Variants in EYA2 observed in about 807,000 individuals in gnomAD.
EYA2 encodes the protein protein phosphatase EYA2.
A neutral mutation model predicts 69.2 loss-of-function variants in EYA2; 31 were observed. The observed-to-expected ratio is 0.45, with a 90% confidence interval of 0.34 to 0.60. The LOEUF is 0.60. Ranked by LOEUF, EYA2 falls within the 20% of genes least tolerant of loss-of-function variation. The pLI is 0.02. For missense variants in EYA2, 622 were observed against 701.2 expected (o/e 0.89, Z 1.28); for synonymous variants, 257 against 279.4 (o/e 0.92, Z 0.80).
At chr20:47,017,001 A>G (rs2146371677) in intron 5 of EYA2, among the ~76,000 whole-genome samples, 1 of 152,316 alleles carries the variant, frequency 6.6e-6, no homozygotes, top group East Asian at 1.9e-4. Context: ...TCCAGGCAGG[A>G]GGATCAAGGC....
chr20:47,016,534 A>G (rs1163949153), intron 5 of EYA2, among the ~76,000 whole-genome samples: 3 of 152,246 alleles, frequency 2.0e-5, no homozygotes, highest in Admixed American at 6.5e-5. Context: ...GTTGAATGTA[A>G]TAAGGCAAAT....
chr20:47,094,301 G>A (rs1299873560), intron 8 of EYA2, among the ~76,000 whole-genome samples: 2 of 152,182 alleles, frequency 1.3e-5, no homozygotes, highest in Non-Finnish European at 2.9e-5. Context: ...GATAAGTTAG[G>A]ACTTGGCATA....
chr20:47,004,125 T>C (rs1349847879), intron 3 of EYA2, among the ~76,000 whole-genome samples: 1 of 152,228 alleles, frequency 6.6e-6, no homozygotes, highest in Admixed American at 6.5e-5. Flanking sequence ...ATTTGTGGTC[T>C]TTGGTTGCAA....
At chr20:46,975,491 G>A (rs1054761270) in intron 1 of EYA2, among the ~76,000 whole-genome samples, 3 of 152,100 alleles carry the variant, frequency 2.0e-5, no homozygotes, top group Non-Finnish European at 4.4e-5. Context: ...GCAACACAGT[G>A]AAATCCAGTC....
intron 1 of EYA2, among the ~76,000 whole-genome samples, chr20:46,964,831 G>A (rs542134602): frequency 6.6e-6 from 1 of 152,290 alleles, no homozygotes. Flanking sequence ...GTGTGCCCCA[G>A]CATCTGCTGC....
In EYA2 at chr20:47,188,322, C is replaced by G. The variant is rs571858862; in HGVS notation, c.*189C>G. ...AATGGGGGTTCTGAGAAGGAAAGTA[C>G]CCAACATTGGCTTCGGAGTATTTGA... On this transcript the variant is annotated 3_prime_UTR_variant, in exon 16 of 16. Transcript: ENST00000327619. The G allele has an allele frequency of 1.1e-5, 7 of 618,412 alleles. No individual in the cohort carries two copies. The South Asian group carries it at 1.3e-4, about 12-fold the overall frequency. 38.3% of individuals were successfully genotyped at this position (618,412 alleles called of 1,614,324 possible). A position where few individuals can be genotyped will look rare whatever the true frequency, so the allele number is the denominator to read the frequency against.
At chr20:46,911,378 T>C (rs1984635726) in intron 1 of EYA2, among the ~76,000 whole-genome samples, 1 of 152,138 alleles carries the variant, frequency 6.6e-6, no homozygotes, top group East Asian at 1.9e-4. Context: ...TACAAAGAGT[T>C]ACCATAAGTG....
intron 1 of EYA2, among the ~76,000 whole-genome samples, chr20:46,987,962 CTCTATATATATATATA>C (rs1460935531): frequency 1.1e-4 from 2 of 17,556 alleles, no homozygotes; most frequent in Non-Finnish European, 2.1e-4. Flanking sequence ...CTCTCTCTCT[CTCTATATATATATATA>C]TATATATATA....
intron 2 of EYA2, among the ~76,000 whole-genome samples, chr20:46,993,819 G>A (rs1157788553): frequency 1.3e-5 from 2 of 152,144 alleles, no homozygotes; most frequent in Non-Finnish European, 2.9e-5. Flanking sequence ...TCCCTGAGAA[G>A]ATAACACTTA....
At chr20:47,154,819 T>TTGTGTGTG (rs11472542) in intron 10 of EYA2, among the ~76,000 whole-genome samples, 10,261 of 140,742 alleles carry the variant, frequency 0.073, 430 homozygotes, top group Non-Finnish European at 0.087. Flanking sequence ...TTATTTTGTT[T>TTGTGTGTG]TGTGTGTGTG....
At chr20:47,044,999 A>G (rs919641355) in intron 5 of EYA2, among the ~76,000 whole-genome samples, 5 of 152,224 alleles carry the variant, frequency 3.3e-5, no homozygotes, top group African/African-American at 1.2e-4. Context: ...GGCTTTGAGG[A>G]ACTGTAACTG....
At chr20:47,090,009 G>A (rs2032024801) in intron 8 of EYA2, among the ~76,000 whole-genome samples, 1 of 151,782 alleles carries the variant, frequency 6.6e-6, no homozygotes, top group African/African-American at 2.4e-5. Flanking sequence ...CTCTATTTCT[G>A]GGATTCTGGG....
chr20:46,972,605 A>T (rs1980209320), intron 1 of EYA2, among the ~76,000 whole-genome samples: 1 of 152,218 alleles, frequency 6.6e-6, no homozygotes. Flanking sequence ...CACAAGTAGT[A>T]AGTCATTTTA....
At chr20:47,114,516 G>A (rs1480896629) in intron 9 of EYA2, among the ~76,000 whole-genome samples, 4 of 152,214 alleles carry the variant, frequency 2.6e-5, no homozygotes, top group African/African-American at 7.2e-5. Flanking sequence ...TCAGGAGGCT[G>A]AGGCAAAAGA....
chr20:47,035,745 G>A (rs1984667324), intron 5 of EYA2, among the ~76,000 whole-genome samples: 1 of 152,076 alleles, frequency 6.6e-6, no homozygotes, highest in Non-Finnish European at 1.5e-5. Context: ...GCCGGGCTTG[G>A]TGGCTGATAC....
intron 5 of EYA2, among the ~76,000 whole-genome samples, chr20:47,055,002 C>A (rs1007140197): frequency 6.6e-6 from 1 of 152,202 alleles, no homozygotes; most frequent in Admixed American, 6.5e-5. Context: ...TGTGCTTTGA[C>A]AGACTGTGCC....
intron 1 of EYA2, among the ~76,000 whole-genome samples, chr20:46,938,867 G>A (rs1333295): frequency 0.37 from 56,295 of 151,894 alleles, 11,735 homozygotes; most frequent in Admixed American, 0.51. Context: ...ACCACAGTGT[G>A]TTTCTCTGAA....
chr20:46,922,958 G>C (rs768633379), intron 1 of EYA2, among the ~76,000 whole-genome samples: 1 of 152,122 alleles, frequency 6.6e-6, no homozygotes, highest in Non-Finnish European at 1.5e-5. Flanking sequence ...TGCATGACCC[G>C]AATCTAATAA....
Position 47,007,479 on chromosome 20 carries a change from G to A in EYA2, c.298+2395G>A, listed in dbSNP as rs563823208. 7.2e-5 allele frequency among the ~76,000 whole-genome samples: 11 copies of A among 152,326 alleles called. No individual in the cohort carries two copies. The South Asian group carries it at 1.9e-3, about 26-fold the overall frequency. On this transcript the variant is annotated intron_variant, in intron 4 of 15. Transcript: ENST00000327619. Reference sequence around the variant, plus strand: ...TGGCTGGAGCACAATGGGAGATGAGGTGAATGAGGTGGGCGGGGCCTCCGA... The same window carrying A: ...TGGCTGGAGCACAATGGGAGATGAGATGAATGAGGTGGGCGGGGCCTCCGA...
Sources: allele counts gnomAD v4.1 joint callset (sites outside exome capture counted in the v4.1 genomes callset), GRCh38; gene constraint gnomAD v4.1.1; transcripts MANE v1.5; gene names NCBI Gene and HGNC (gene_info 2026-07-23, HGNC 2026-07-21).